The following MITF variants were observed in gnomAD, a reference collection of about 807,000 sequenced individuals.
MITF encodes melanocyte inducing transcription factor.
Under a neutral mutation model 60.5 loss-of-function variants are expected in MITF, and 17 were observed. That is an observed-to-expected ratio of 0.28 (90% CI 0.19 to 0.42). The LOEUF (loss-of-function observed/expected upper bound fraction) is 0.42. Ranked by LOEUF, MITF falls within the 10% of genes least tolerant of loss-of-function variation. MITF has a pLI of 1.00. For synonymous variants in MITF, 260 were observed against 248.5 expected, an observed-to-expected ratio of 1.05 and a Z score of -0.43; for missense variants, 622 against 683.5, an observed-to-expected ratio of 0.91 and a Z score of 1.00.
intron 1 of MITF, among the ~76,000 whole-genome samples, chr3:69,748,959 G>A (rs1703829078): frequency 6.6e-6 from 1 of 152,176 alleles, no homozygotes; most frequent in African/African-American, 2.4e-5. Context: ...AGACAGGAAT[G>A]CTATATTTAC....
At chr3:69,847,744 A>G (rs2063756542) in intron 1 of MITF, among the ~76,000 whole-genome samples, 1 of 152,240 alleles carries the variant, frequency 6.6e-6, no homozygotes, top group South Asian at 2.1e-4. Context: ...CGTAACTCAC[A>G]CTTCTCTGGC....
intron 1 of MITF, among the ~76,000 whole-genome samples, chr3:69,848,113 G>T (rs771889807): frequency 1.3e-5 from 2 of 152,208 alleles, no homozygotes; most frequent in African/African-American, 2.4e-5. Context: ...TTTAAAGCTG[G>T]AAGAAAGCTT....
At chr3:69,820,549 T>C (rs1036630292) in intron 1 of MITF, among the ~76,000 whole-genome samples, 2 of 152,198 alleles carry the variant, frequency 1.3e-5, no homozygotes, top group African/African-American at 4.8e-5. Flanking sequence ...GTTTTATTTT[T>C]AAACTCTAAG....
At chr3:69,927,088 A>G (rs1393570076) in intron 2 of MITF, among the ~76,000 whole-genome samples, 1 of 152,002 alleles carries the variant, frequency 6.6e-6, no homozygotes, top group African/African-American at 2.4e-5. Context: ...GGGAATAGTC[A>G]TTGTTGAGAC....
chr3:69,826,499 G>C (rs372521274), intron 1 of MITF, among the ~76,000 whole-genome samples: 1 of 152,088 alleles, frequency 6.6e-6, no homozygotes, highest in East Asian at 1.9e-4. Context: ...CTAATTTGGG[G>C]CATTTACAGT....
intron 1 of MITF, among the ~76,000 whole-genome samples, chr3:69,876,829 G>A (rs1395711904): frequency 6.6e-6 from 1 of 152,112 alleles, no homozygotes; most frequent in Admixed American, 6.5e-5. Context: ...CTAGCCAAAT[G>A]GTGATTTTGA....
intron 2 of MITF, among the ~76,000 whole-genome samples, chr3:69,930,877 G>A (rs1459881240): frequency 6.6e-6 from 1 of 152,236 alleles, no homozygotes; most frequent in African/African-American, 2.4e-5. Context: ...TTCTATGAAT[G>A]TCAAGAGGAC....
chr3:69,879,088 T>A (rs2107275133), intron 1 of MITF, 46 bp from the exon 2 acceptor site: 1 of 1,532,384 alleles, frequency 6.5e-7, no homozygotes, highest in Non-Finnish European at 9.0e-7. Context: ...AAACGAAGGG[T>A]CTCATTAGGA....
At chr3:69,947,722 C>G (rs1047758744) in intron 5 of MITF, among the ~76,000 whole-genome samples, 14 of 152,116 alleles carry the variant, frequency 9.2e-5, no homozygotes, top group African/African-American at 3.1e-4. Context: ...TACCCCAATT[C>G]TGTTCGAGCC....
chr3:69,882,565 C>A (rs76052502), intron 2 of MITF, among the ~76,000 whole-genome samples: 3,801 of 149,978 alleles, frequency 0.025, 145 homozygotes, highest in African/African-American at 0.085. Context: ...TTAACAACAA[C>A]AAAAAAAAAG....
intron 1 of MITF, among the ~76,000 whole-genome samples, chr3:69,751,719 G>T (rs1305158613): frequency 1.3e-5 from 2 of 152,076 alleles, no homozygotes; most frequent in African/African-American, 2.4e-5. Context: ...GGCTATATAT[G>T]TGTCTTTGGG....
chr3:69,903,723 C>G lies in MITF; in HGVS notation c.354+24340C>G, dbSNP rs886964527. On this transcript the variant is annotated intron_variant, in intron 2 of 9. Transcript: ENST00000352241. Reference sequence around the variant, plus strand: ...TAGTCTTTTCCAGTATCTACTGGAGCTAAAATTCACAAACCCAACTCACTT... The same window carrying G: ...TAGTCTTTTCCAGTATCTACTGGAGGTAAAATTCACAAACCCAACTCACTT... 7.2e-5 allele frequency among the ~76,000 whole-genome samples: 11 copies of G among 152,182 alleles called. No individual in the cohort carries two copies. The South Asian group carries it at 1.2e-3, about 17-fold the overall frequency.
intron 1 of MITF, among the ~76,000 whole-genome samples, chr3:69,795,005 T>A (rs927465409): frequency 2.4e-4 from 37 of 152,154 alleles, no homozygotes; most frequent in African/African-American, 8.7e-4. Flanking sequence ...TTTCTACTCA[T>A]TATGGTGGGC....
At chr3:69,765,744 C>A in intron 1 of MITF, among the ~76,000 whole-genome samples, 1 of 152,010 alleles carries the variant, frequency 6.6e-6, no homozygotes, top group East Asian at 1.9e-4. Flanking sequence ...ACCATAAGAC[C>A]TTTTAAGCAC....
chr3:69,807,144 G>A (rs1407650538), intron 1 of MITF, among the ~76,000 whole-genome samples: 1 of 152,168 alleles, frequency 6.6e-6, no homozygotes, highest in African/African-American at 2.4e-5. Context: ...TCTCTCTTAA[G>A]TTACATGATT....
intron 1 of MITF, among the ~76,000 whole-genome samples, chr3:69,748,689 C>T (rs2106761108): frequency 6.6e-6 from 1 of 152,364 alleles, no homozygotes; most frequent in South Asian, 2.1e-4. Flanking sequence ...CATCTGTGGT[C>T]TTCACCCTCC....
At chr3:69,758,132 C>T (rs946491909) in intron 1 of MITF, among the ~76,000 whole-genome samples, 1 of 149,056 alleles carries the variant, frequency 6.7e-6, no homozygotes, top group East Asian at 2.0e-4. Context: ...CACACACACA[C>T]ACACACACAC....
intron 1 of MITF, among the ~76,000 whole-genome samples, chr3:69,812,632 A>G (rs1052947733): frequency 1.3e-5 from 2 of 152,132 alleles, no homozygotes; most frequent in Non-Finnish European, 2.9e-5. Context: ...TTTCAAATAT[A>G]TATTTTTAGA....
rs143773520 is a variant in MITF, at chr3:69,832,838, G to A, written c.105-46296G>A. On this transcript the variant is annotated intron_variant, in intron 1 of 9. Coordinates refer to ENST00000352241, the MANE Select transcript of MITF (RefSeq NM_001354604.2). Reference sequence around the variant, plus strand: ...ACTGTATGTAATTGTTTCCTTATGTGCACTGTATGTAGTTGTTTGCCTATT... The same window carrying A: ...ACTGTATGTAATTGTTTCCTTATGTACACTGTATGTAGTTGTTTGCCTATT... Among the ~76,000 whole-genome samples, 775 of 151,990 alleles carry A rather than the reference G, an allele frequency of 5.1e-3. 4 individuals carry two copies. The highest frequency in any genetic ancestry group is 7.5e-3 in the Non-Finnish European group (507 of 67,808).
Sources: allele counts gnomAD v4.1 joint callset (sites outside exome capture counted in the v4.1 genomes callset), GRCh38; gene constraint gnomAD v4.1.1; transcripts MANE v1.5; gene names NCBI Gene and HGNC (gene_info 2026-07-23, HGNC 2026-07-21).